The following SEMA4F variants were observed in gnomAD, a reference collection of about 807,000 sequenced individuals.
SEMA4F encodes the protein semaphorin-4F.
A neutral mutation model predicts 78.4 loss-of-function variants in SEMA4F; 51 were observed. The ratio of observed to expected loss-of-function variants is 0.65; its 90% CI spans 0.52 to 0.82. The LOEUF is 0.82. Ranked by LOEUF, SEMA4F falls within the 40% of genes least tolerant of loss-of-function variation. The probability of loss-of-function intolerance (pLI) is 0.00; values close to 1 mark genes in which losing one functional copy is unlikely to be tolerated. For missense variants in SEMA4F, 938 were observed against 1,014.4 expected (o/e 0.92, Z 1.02); for synonymous variants, 418 against 408.7 (o/e 1.02, Z -0.27).
intron 5 of SEMA4F, among the ~76,000 whole-genome samples, chr2:74,665,859 A>G (rs1242750787): frequency 6.6e-6 from 1 of 151,794 alleles, no homozygotes; most frequent in Non-Finnish European, 1.5e-5. Context: ...GCAACACTCT[A>G]AGATAATCAT....
At chr2:74,671,201 T>C (rs1174936199) in intron 5 of SEMA4F, among the ~76,000 whole-genome samples, 1 of 152,220 alleles carries the variant, frequency 6.6e-6, no homozygotes, top group Admixed American at 6.5e-5. Flanking sequence ...TTTTTATAAT[T>C]GCAAATAATG....
At chr2:74,708,582 T>G in the SEMA4F span, among the ~76,000 whole-genome samples, 1 of 152,154 alleles carries the variant, frequency 6.6e-6, no homozygotes, top group Non-Finnish European at 1.5e-5. Flanking sequence ...CTTTCCTGAC[T>G]GGCACAGTGT....
intron 7 of SEMA4F, 56 bp from the exon 8 acceptor site, chr2:74,674,442 C>T: frequency 1.3e-6 from 2 of 1,519,432 alleles, no homozygotes; most frequent in Non-Finnish European, 1.8e-6. Context: ...GGTCTCCATG[C>T]TCCTTGCCCA....
At chr2:74,686,300 C>T (rs1287282973), downstream of SEMA4F, among the ~76,000 whole-genome samples, 1 of 152,046 alleles carries the variant, frequency 6.6e-6, no homozygotes, top group African/African-American at 2.4e-5. Context: ...GGGGTTTCAC[C>T]GTGTTAGTCA....
chr2:74,695,566 G>T, the SEMA4F span, among the ~76,000 whole-genome samples: 1 of 152,080 alleles, frequency 6.6e-6, no homozygotes, highest in South Asian at 2.1e-4. Flanking sequence ...AAAACAACTG[G>T]ACTTTGTCAT....
Position 74,657,871 on chromosome 2 carries a change from G to T in SEMA4F, c.376G>T (p.Val126Phe). The T allele has an allele frequency of 6.2e-7, 1 of 1,614,182 alleles. No individual in the cohort carries two copies. The highest frequency in any genetic ancestry group is 8.5e-7 in the Non-Finnish European group (1 of 1,180,012). ...GKKEDECHNF[V>F]QILAIANASH... ...CCCCCAGGACGAATGTCACAATTTT[G>T]TCCAGATTCTCGCCATTGCCAATGC... The change falls in exon 4 of 14, where the codon GTC (valine) becomes TTC (phenylalanine). Residue 126 changes from valine (V) to phenylalanine (F), a missense_variant. By Grantham distance (50) the Val-to-Phe change is conservative (BLOSUM62 -1). Transcript: ENST00000357877.
rs1328166302 is a variant in SEMA4F at position 74,673,756 on chromosome 2, C to G, written c.750C>G (p.Phe250Leu). ...DEDGDDEIYF[F>L]FTETSRAFDS... Reference sequence around the variant, plus strand: ...ATGGAGACGACGAAATCTACTTCTTCTTTACGGAGACTTCCCGAGCATTTG... The same window carrying G: ...ATGGAGACGACGAAATCTACTTCTTGTTTACGGAGACTTCCCGAGCATTTG... The change falls in exon 7 of 14, where the codon TTC becomes TTG. Residue 250 changes from phenylalanine to leucine, a missense_variant. Transcript: ENST00000357877. 1.2e-6 allele frequency: 2 copies of G among 1,614,200 alleles called. No individual in the cohort carries two copies. The highest frequency in any genetic ancestry group is 2.2e-5 in the South Asian group (2 of 91,076).
chr2:74,672,914 T>C (rs566332070), intron 5 of SEMA4F, among the ~76,000 whole-genome samples: 1 of 152,354 alleles, frequency 6.6e-6, no homozygotes, highest in African/African-American at 2.4e-5. Context: ...CCAGCTCTAC[T>C]GAATGAGAAT....
At chr2:74,669,541 C>T (rs917836024) in intron 5 of SEMA4F, among the ~76,000 whole-genome samples, 3 of 151,972 alleles carry the variant, frequency 2.0e-5, no homozygotes, top group African/African-American at 4.8e-5. Flanking sequence ...GCCGAGATAG[C>T]GCCACTGCAC....
intron 5 of SEMA4F, among the ~76,000 whole-genome samples, chr2:74,669,889 GT>G (rs538007307): frequency 3.3e-5 from 5 of 151,276 alleles, no homozygotes; most frequent in South Asian, 2.1e-4. Flanking sequence ...AAATATCTTA[GT>G]TTTTTTTGCA....
At chr2:74,702,233 A>G in the SEMA4F span, among the ~76,000 whole-genome samples, 1 of 152,128 alleles carries the variant, frequency 6.6e-6, no homozygotes, top group Admixed American at 6.5e-5. Flanking sequence ...ACTATTGACA[A>G]CTGTTTACAG....
chr2:74,655,194 C>T (rs1684063937), intron 1 of SEMA4F: 1 of 277,084 alleles, frequency 3.6e-6, no homozygotes, highest in African/African-American at 2.2e-5. Flanking sequence ...CTGCCTCTGC[C>T]CATTCCCTAC....
the SEMA4F span, among the ~76,000 whole-genome samples, chr2:74,692,413 G>A: frequency 2.0e-5 from 3 of 152,144 alleles, no homozygotes; most frequent in Non-Finnish European, 2.9e-5. Flanking sequence ...CCAAGAGACC[G>A]GGGATGAGGT....
Position 74,681,899 on chromosome 2 carries a change from GT to G in SEMA4F, c.*1691del, listed in dbSNP as rs1482511876. ...AGTCCCCTTGGGTTTGGAATTATCA[GT>G]GGCTTTGCCACTAGTAAATGTGTGA... On this transcript the variant is annotated 3_prime_UTR_variant, in exon 14 of 14. Transcript: ENST00000357877. 1 of 152,652 alleles carries G rather than the reference GT, an allele frequency of 6.6e-6. No homozygotes were observed. The highest frequency in any genetic ancestry group is 2.4e-5 in the African/African-American group (1 of 41,454). 9.5% of individuals were successfully genotyped at this position (152,652 alleles called of 1,614,324 possible).
chr2:74,678,359 A>G (rs940878357), intron 12 of SEMA4F, among the ~76,000 whole-genome samples: 1 of 152,160 alleles, frequency 6.6e-6, no homozygotes, highest in Non-Finnish European at 1.5e-5. Context: ...TAGACTGTGA[A>G]GTTCCTGTGG....
At chr2:74,693,696 T>G in the SEMA4F span, among the ~76,000 whole-genome samples, 56,435 of 152,108 alleles carry the variant, frequency 0.37, 17,425 homozygotes, top group East Asian at 0.82. Flanking sequence ...TGAAAATATT[T>G]CAGAAAAGGT....
chr2:74,654,717 C>A (rs934635334), intron 1 of SEMA4F, among the ~76,000 whole-genome samples, 196 bp downstream of exon 1: 4 of 152,216 alleles, frequency 2.6e-5, no homozygotes, highest in Non-Finnish European at 4.4e-5. Flanking sequence ...CCGCGCCCCT[C>A]AGCCCCTCAT....
At chr2:74,664,639 G>T (rs900333612) in intron 5 of SEMA4F, among the ~76,000 whole-genome samples, 1 of 152,064 alleles carries the variant, frequency 6.6e-6, no homozygotes, top group Non-Finnish European at 1.5e-5. Context: ...AGAATGTATT[G>T]TTGTCATTTA....
chr2:74,663,731 A>C (rs1420809876), intron 5 of SEMA4F, among the ~76,000 whole-genome samples: 2 of 152,208 alleles, frequency 1.3e-5, no homozygotes, highest in Non-Finnish European at 2.9e-5. Context: ...GACAGCACCA[A>C]GCCATTCATG....
Sources: gnomAD v4.1 joint callset for allele counts (sites outside exome capture counted in the v4.1 genomes callset) on GRCh38, gnomAD v4.1.1 for gene constraint, MANE v1.5 for transcripts, NCBI Gene and HGNC (gene_info 2026-07-23, HGNC 2026-07-21) for gene names.